OPRM1: variants seen among roughly 807,000 people sequenced by gnomAD.
OPRM1 encodes the protein opioid receptor mu 1.
OPRM1 carries 27 observed loss-of-function variants against 31.8 expected under a neutral mutation model. The ratio of observed to expected loss-of-function variants is 0.85; its 90% CI spans 0.63 to 1.17. OPRM1 has a LOEUF of 1.17. Among genes scored for constraint, OPRM1 ranks in the 50% most tolerant of loss-of-function variants. The probability of loss-of-function intolerance (pLI) is 0.00; values close to 1 mark genes in which losing one functional copy is unlikely to be tolerated. For missense variants in OPRM1, 536 were observed against 511.1 expected (o/e 1.05, Z -0.47); for synonymous variants, 196 against 189.9 (o/e 1.03, Z -0.26).
At chr6:154,158,105 T>G (rs1798787107) in intron 3 of OPRM1, 1 of 152,258 alleles carries the variant, frequency 6.6e-6, no homozygotes, top group South Asian at 2.1e-4. Context: ...GTTTGTTTGT[T>G]TACAGAGTAT....
chr6:154,222,478 A>G (rs1189250785), intron 3 of OPRM1, among the ~76,000 whole-genome samples: 1 of 152,246 alleles, frequency 6.6e-6, no homozygotes, highest in East Asian at 1.9e-4. Context: ...AAATAATAAG[A>G]AAAAGGTGAA....
At chr6:154,205,157 G>A (rs1363547188) in intron 3 of OPRM1, among the ~76,000 whole-genome samples, 2 of 152,166 alleles carry the variant, frequency 1.3e-5, no homozygotes, top group Non-Finnish European at 2.9e-5. Context: ...CATCTTCAGA[G>A]CATTTGTCAG....
At chr6:154,083,339 G>C (rs1789606696) in intron 1 of OPRM1, among the ~76,000 whole-genome samples, 1 of 152,218 alleles carries the variant, frequency 6.6e-6, no homozygotes, top group Non-Finnish European at 1.5e-5. Context: ...GAAACCATGA[G>C]ATTAGCAGGA....
chr6:154,126,498 T>A lies in OPRM1; in HGVS notation c.*7777T>A, dbSNP rs1797593287. 1.3e-5 allele frequency among the ~76,000 whole-genome samples: 2 copies of A among 152,196 alleles called. No individual in the cohort carries two copies. The highest frequency in any genetic ancestry group is 2.9e-5 in the Non-Finnish European group (2 of 68,028). The stretch of plus-strand genomic sequence containing the variant: ...CTACCCAATATTTGCAAAATTCAAA[T>A]GTCTCATAGGCTCTTCTTCCCTGGT... On this transcript the variant is annotated 3_prime_UTR_variant, in exon 4 of 4. Coordinates refer to ENST00000330432, the MANE Select transcript of OPRM1 (RefSeq NM_000914.5).
Position 154,090,050 on chromosome 6 carries a change from G to A in OPRM1, c.515G>A (p.Cys172Tyr), listed in dbSNP as rs1003437466. ...TMSVDRYIAV[C>Y]HPVKALDFRT... ...AGTGTTGATCGATACATTGCAGTCT[G>A]CCACCCTGTCAAGGCCTTAGATTTC... Residue 172 changes from cysteine to tyrosine, a missense_variant, in exon 2 of 4, where the codon TGC becomes TAC. By Grantham distance (194) the Cys-to-Tyr change is radical (BLOSUM62 -2). Coordinates refer to ENST00000330432, the MANE Select transcript of OPRM1 (RefSeq NM_000914.5). The A allele has an allele frequency of 2.5e-6, 4 of 1,613,818 alleles. No individual in the cohort carries two copies. The highest frequency in any genetic ancestry group is 3.4e-6 in the Non-Finnish European group (4 of 1,179,896).
At position 154,096,863 on chromosome 6, in the gene OPRM1, G is replaced by A. The variant is rs187469388; in HGVS notation, c.1164+5391G>A. On this transcript the variant is annotated intron_variant, in intron 3 of 3. Transcript: ENST00000330432. Reference sequence around the variant, plus strand: ...ACATTTACTATGAGCTCCAGAAAATGTAAGTTCTTAAGAACTGCTCTAATA... The same window carrying A: ...ACATTTACTATGAGCTCCAGAAAATATAAGTTCTTAAGAACTGCTCTAATA... Among the ~76,000 whole-genome samples, 645 of 152,286 alleles carry A rather than the reference G, an allele frequency of 4.2e-3. 2 individuals carry two copies. Among genetic ancestry groups the A allele is most frequent in the Non-Finnish European group, 3.6e-3 (247 of 68,026 alleles).
intron 3 of OPRM1, chr6:154,093,306 G>C (rs199942335): frequency 6.2e-7 from 1 of 1,613,454 alleles, no homozygotes; most frequent in Non-Finnish European, 8.5e-7. Flanking sequence ...CTGGGCTCTA[G>C]AGCAAGGCTG....
intron 3 of OPRM1, among the ~76,000 whole-genome samples, chr6:154,191,770 T>G (rs915993272): frequency 4.6e-5 from 7 of 152,178 alleles, no homozygotes; most frequent in Non-Finnish European, 1.0e-4. Flanking sequence ...GAATATTTAT[T>G]GCCAGTTGTA....
At chr6:154,170,639 C>T (rs1441490226) in intron 3 of OPRM1, among the ~76,000 whole-genome samples, 1 of 152,204 alleles carries the variant, frequency 6.6e-6, no homozygotes, top group African/African-American at 2.4e-5. Context: ...ACTTTTGGCT[C>T]ACACCGTGTG....
chr6:154,224,030 T>G (rs905671180), intron 3 of OPRM1, among the ~76,000 whole-genome samples: 16 of 152,202 alleles, frequency 1.1e-4, no homozygotes, highest in Admixed American at 1.3e-4. Context: ...CAAATAAAGT[T>G]TAACTGAGCC....
At chr6:154,059,775 T>C (rs1784047758) in intron 1 of OPRM1, among the ~76,000 whole-genome samples, 2 of 152,252 alleles carry the variant, frequency 1.3e-5, no homozygotes, top group Non-Finnish European at 2.9e-5. Context: ...ATGTTAATGC[T>C]ACATTTATTT....
chr6:154,169,662 C>A (rs1467846946), intron 3 of OPRM1, among the ~76,000 whole-genome samples: 1 of 152,194 alleles, frequency 6.6e-6, no homozygotes, highest in Non-Finnish European at 1.5e-5. Flanking sequence ...CACACAGACT[C>A]CATCTCCCTT....
intron 3 of OPRM1, among the ~76,000 whole-genome samples, chr6:154,187,154 C>T (rs2128576143): frequency 6.6e-6 from 1 of 152,214 alleles, no homozygotes; most frequent in African/African-American, 2.4e-5. Flanking sequence ...ATTTGGCTCA[C>T]CCTCTCCCCT....
At chr6:154,049,340 T>C (rs1781769262) in intron 1 of OPRM1, among the ~76,000 whole-genome samples, 2 of 152,020 alleles carry the variant, frequency 1.3e-5, no homozygotes, top group Non-Finnish European at 2.9e-5. Flanking sequence ...AAATAGATTG[T>C]GAAAAGGACA....
intron 3 of OPRM1, among the ~76,000 whole-genome samples, chr6:154,197,446 C>T (rs1776705005): frequency 6.6e-6 from 1 of 152,142 alleles, no homozygotes; most frequent in Non-Finnish European, 1.5e-5. Flanking sequence ...AATTCTGTAG[C>T]ATATGAGAAC....
intron 3 of OPRM1, among the ~76,000 whole-genome samples, chr6:154,163,612 T>C (rs1562517991): frequency 1.3e-5 from 2 of 152,330 alleles, no homozygotes; most frequent in Non-Finnish European, 2.9e-5. Flanking sequence ...CCCAAGTGCC[T>C]GAAAGAATGA....
intron 3 of OPRM1, among the ~76,000 whole-genome samples, chr6:154,202,896 G>A (rs1330306740): frequency 1.3e-5 from 2 of 152,206 alleles, no homozygotes; most frequent in Non-Finnish European, 2.9e-5. Flanking sequence ...AAGACTTGGA[G>A]AAGAGGAAAA....
intron 1 of OPRM1, among the ~76,000 whole-genome samples, chr6:154,064,310 T>C (rs1784943551): frequency 6.6e-6 from 1 of 152,158 alleles, no homozygotes; most frequent in African/African-American, 2.4e-5. Context: ...CTTGAATAAG[T>C]CCTTTGTCTA....
intron 1 of OPRM1, among the ~76,000 whole-genome samples, chr6:154,041,772 C>T (rs1417843032): frequency 1.3e-5 from 2 of 150,306 alleles, no homozygotes; most frequent in East Asian, 3.8e-4. Flanking sequence ...AGGAAAAAAG[C>T]ATGAAACAAA....
Sources: gnomAD v4.1 joint callset for allele counts (sites outside exome capture counted in the v4.1 genomes callset) on GRCh38, gnomAD v4.1.1 for gene constraint, MANE v1.5 for transcripts, NCBI Gene and HGNC (gene_info 2026-07-23, HGNC 2026-07-21) for gene names.